TRPC6: variants seen among roughly 807,000 people sequenced by gnomAD.
TRPC6 encodes the protein short transient receptor potential channel 6.
TRPC6 carries 55 observed loss-of-function variants against 90.7 expected under a neutral mutation model. The ratio of observed to expected loss-of-function variants is 0.61; its 90% CI spans 0.49 to 0.76. TRPC6 has a LOEUF of 0.76. TRPC6 is among the 30% of genes least tolerant of loss of function. TRPC6 has a pLI of 0.00. For missense variants in TRPC6, 989 were observed against 1,122.7 expected, an observed-to-expected ratio of 0.88 and a Z score of 1.70; for synonymous variants, 393 against 393.0, an observed-to-expected ratio of 1.00 and a Z score of 0.00.
At chr11:101,572,017 A>G (rs1466862939) in intron 1 of TRPC6, among the ~76,000 whole-genome samples, 1 of 152,218 alleles carries the variant, frequency 6.6e-6, no homozygotes, top group Non-Finnish European at 1.5e-5. Flanking sequence ...AAAATTGACA[A>G]ATGGGATCTA....
intron 1 of TRPC6, among the ~76,000 whole-genome samples, chr11:101,565,020 A>C (rs182090637): frequency 3.9e-5 from 6 of 152,116 alleles, no homozygotes; most frequent in Admixed American, 1.3e-4. Flanking sequence ...AGCAACACAC[A>C]AAAGAATTAA....
At chr11:101,548,273 A>AT (rs60683926) in intron 1 of TRPC6, among the ~76,000 whole-genome samples, 6,204 of 135,022 alleles carry the variant, frequency 0.046, 326 homozygotes, top group Non-Finnish European at 0.075. Flanking sequence ...ATATATATAT[A>AT]ATTTATATAT....
intron 1 of TRPC6, among the ~76,000 whole-genome samples, chr11:101,507,050 C>T (rs923004577): frequency 1.5e-5 from 2 of 133,350 alleles, no homozygotes; most frequent in Admixed American, 1.5e-4. Context: ...CACACACACA[C>T]AGACCCCCTT....
intron 4 of TRPC6, among the ~76,000 whole-genome samples, chr11:101,487,994 C>T (rs7927664): frequency 0.35 from 52,904 of 151,988 alleles, 10,561 homozygotes; most frequent in African/African-American, 0.55. Flanking sequence ...TTTGTGTTTG[C>T]GCCCACATAT....
In TRPC6 at chr11:101,453,094, T is replaced by A. The variant is rs1189551557; in HGVS notation, c.2657A>T (p.Glu886Val). Residue 886 changes from glutamate (E) to valine (V), a missense_variant, in exon 13 of 13, where the codon GAA becomes GTA. Around this residue, in one of 4 missense-constraint regions of TRPC6, gnomAD observed 191 missense variants for 196.7 expected, o/e 0.97. Transcript: ENST00000344327. ...SDEVNEGELKEIKQDISSLRY... is the reference protein window; with the variant it reads ...SDEVNEGELKVIKQDISSLRY... ...GAGACTTGAGATGTCCTGCTTAATT[T>A]CCTTCAGTTCCCCTTTGAAAGCAAG... 1 of 1,612,230 alleles carries A rather than the reference T, an allele frequency of 6.2e-7. No individual in the cohort carries two copies. The highest frequency in any genetic ancestry group is 8.5e-7 in the Non-Finnish European group (1 of 1,179,712).
At chr11:101,532,514 CAT>C (rs571409426) in intron 1 of TRPC6, among the ~76,000 whole-genome samples, 1 of 152,128 alleles carries the variant, frequency 6.6e-6, no homozygotes, top group Non-Finnish European at 1.5e-5. Context: ...GAGGGTCACT[CAT>C]AGCATGGCAT....
intron 10 of TRPC6, among the ~76,000 whole-genome samples, chr11:101,462,261 GTTC>G (rs1274517631): frequency 6.6e-6 from 1 of 152,184 alleles, no homozygotes; most frequent in Non-Finnish European, 1.5e-5. Context: ...CTCCAGCTTT[GTTC>G]TTTTTGCTTA....
intron 1 of TRPC6, among the ~76,000 whole-genome samples, chr11:101,552,523 G>C (rs1402843864): frequency 1.3e-5 from 2 of 152,030 alleles, no homozygotes; most frequent in Non-Finnish European, 2.9e-5. Flanking sequence ...AACTAAGGAG[G>C]TGAGTCAGAA....
chr11:101,521,961 C>G (rs1033675197), intron 1 of TRPC6, among the ~76,000 whole-genome samples: 4 of 152,092 alleles, frequency 2.6e-5, no homozygotes, highest in African/African-American at 9.7e-5. Context: ...TTTTTGTTTA[C>G]TTTACAGGCT....
intron 1 of TRPC6, among the ~76,000 whole-genome samples, chr11:101,560,625 C>T (rs748699112): frequency 1.7e-4 from 26 of 151,210 alleles, no homozygotes; most frequent in Non-Finnish European, 2.2e-4. Context: ...ACAGCAGACA[C>T]AGAAATAAAT....
Position 101,490,887 on chromosome 11 carries a change from G to T in TRPC6, c.1128+669C>A, listed in dbSNP as rs1186335328. 1.3e-5 allele frequency among the ~76,000 whole-genome samples: 2 copies of T among 152,204 alleles called. 1 individual carries two copies. Among genetic ancestry groups the T allele is most frequent in the Non-Finnish European group, 2.9e-5 (2 of 68,032 alleles). On this transcript the variant is annotated intron_variant, in intron 3 of 12. Transcript: ENST00000344327. ...ATTCTAATGCGGTAAAGAAGGAATTGAAGGCATTATTGGAAAACAGCAACA... is the reference window on the plus strand; with the variant it reads ...ATTCTAATGCGGTAAAGAAGGAATTTAAGGCATTATTGGAAAACAGCAACA...
chr11:101,484,549 C>T (rs1284236889), intron 4 of TRPC6, among the ~76,000 whole-genome samples: 3 of 151,668 alleles, frequency 2.0e-5, no homozygotes, highest in African/African-American at 7.3e-5. Flanking sequence ...AGGCCAGACA[C>T]AGAATATCAG....
intron 1 of TRPC6, among the ~76,000 whole-genome samples, chr11:101,546,165 G>A (rs1861302471): frequency 1.3e-5 from 1 of 78,114 alleles, no homozygotes; most frequent in South Asian, 3.6e-4. Context: ...TCCGCTTCCC[G>A]GGTTCACGCC....
intron 3 of TRPC6, among the ~76,000 whole-genome samples, 181 bp from the exon 4 acceptor site, chr11:101,489,282 C>A (rs1859748773): frequency 6.6e-6 from 1 of 152,176 alleles, no homozygotes; most frequent in Non-Finnish European, 1.5e-5. Context: ...ATATGTTTTA[C>A]ATAAATTTGA....
At chr11:101,457,960 G>C (rs143019032) in intron 10 of TRPC6, among the ~76,000 whole-genome samples, 1 of 152,044 alleles carries the variant, frequency 6.6e-6, no homozygotes, top group Admixed American at 6.6e-5. Flanking sequence ...ATGGGGTTAC[G>C]TCATGATAAA....
chr11:101,460,491 T>G (rs1347321613), intron 10 of TRPC6, among the ~76,000 whole-genome samples: 3 of 152,214 alleles, frequency 2.0e-5, no homozygotes, highest in Non-Finnish European at 4.4e-5. Flanking sequence ...TATTTAATAT[T>G]TTTGACCTGT....
intron 1 of TRPC6, among the ~76,000 whole-genome samples, chr11:101,508,271 G>C (rs1860319541): frequency 6.6e-6 from 1 of 152,016 alleles, no homozygotes; most frequent in Non-Finnish European, 1.5e-5. Context: ...ATTCTTAGTA[G>C]ATATTCTTTG....
chr11:101,491,775 G>C (rs201041761), intron 2 of TRPC6, 37 bp from the exon 3 acceptor site: 140 of 1,546,126 alleles, frequency 9.1e-5, no homozygotes, highest in Non-Finnish European at 1.2e-4. Flanking sequence ...CAATAATGGA[G>C]AATACCACGT....
chr11:101,480,104 G>T (rs934426471), intron 5 of TRPC6, among the ~76,000 whole-genome samples: 3 of 152,084 alleles, frequency 2.0e-5, no homozygotes, highest in South Asian at 4.1e-4. Context: ...CTTGAACCCG[G>T]GAGGTGGAGG....
Sources: allele counts gnomAD v4.1 joint callset (sites outside exome capture counted in the v4.1 genomes callset), GRCh38; gene constraint gnomAD v4.1.1; regional missense constraint gnomAD v4.1.1; transcripts MANE v1.5; gene names NCBI Gene and HGNC (gene_info 2026-07-23, HGNC 2026-07-21).